Variants in FARS2 observed in about 807,000 individuals in gnomAD.
The protein encoded by FARS2 is phenylalanine--tRNA ligase, mitochondrial.
A neutral mutation model predicts 46.4 loss-of-function variants in FARS2; 40 were observed. That is an observed-to-expected ratio of 0.86 (90% CI 0.67 to 1.12). FARS2 has a LOEUF of 1.12. FARS2 is among the 50% of genes most tolerant of loss of function. The probability of loss-of-function intolerance (pLI) is 0.00; values close to 1 mark genes in which losing one functional copy is unlikely to be tolerated. For missense variants in FARS2, 513 were observed against 567.9 expected (o/e 0.90, Z 0.98); for synonymous variants, 234 against 214.9 (o/e 1.09, Z -0.78).
intron 5 of FARS2, among the ~76,000 whole-genome samples, chr6:5,578,473 AT>A (rs1017963646): frequency 1.3e-4 from 19 of 151,978 alleles, no homozygotes; most frequent in South Asian, 2.1e-4. Context: ...TACCTTTTCA[AT>A]TTTTTTTAAC....
At position 5,630,890 on chromosome 6, in the gene FARS2, T is replaced by C. The variant is rs1165065143; in HGVS notation, c.1217+17570T>C. Among the ~76,000 whole-genome samples, 1 of 152,246 alleles carries C rather than the reference T, an allele frequency of 6.6e-6. No homozygotes were observed. The highest frequency in any genetic ancestry group is 1.5e-5 in the Non-Finnish European group (1 of 68,044). ...TATGAATGGAGTCTGAGCGATGCTT[T>C]GATCAGCATTTCTTAATATGGCACA... On this transcript the variant is annotated intron_variant, in intron 6 of 6. Transcript: ENST00000274680. This position sits in a 1 kb window ranked among gnomAD's most constrained non-coding sequence, Gnocchi z 4.2.
At chr6:5,726,440 C>T (rs1388051311) in intron 6 of FARS2, among the ~76,000 whole-genome samples, 2 of 152,158 alleles carry the variant, frequency 1.3e-5, no homozygotes, top group African/African-American at 4.8e-5. Flanking sequence ...AAGCCTGAAA[C>T]CACACATGCA....
intron 3 of FARS2, among the ~76,000 whole-genome samples, chr6:5,425,331 A>G (rs1397651960): frequency 6.6e-6 from 1 of 152,220 alleles, no homozygotes; most frequent in African/African-American, 2.4e-5. Context: ...TACAAACGGT[A>G]TGGGAAACAG....
intron 3 of FARS2, among the ~76,000 whole-genome samples, chr6:5,422,819 G>A (rs113689021): frequency 3.5e-4 from 53 of 152,094 alleles, no homozygotes; most frequent in African/African-American, 1.2e-3. Context: ...AAAGTGAGAT[G>A]TTTCAGATTA....
At chr6:5,454,764 A>T (rs748278140) in intron 4 of FARS2, among the ~76,000 whole-genome samples, 1 of 152,138 alleles carries the variant, frequency 6.6e-6, no homozygotes, top group Non-Finnish European at 1.5e-5. Context: ...GTGTCCTCCA[A>T]GGCAATGCCT....
chr6:5,526,697 A>G (rs1040344581), intron 4 of FARS2, among the ~76,000 whole-genome samples: 2 of 151,838 alleles, frequency 1.3e-5, no homozygotes, highest in Admixed American at 6.6e-5. Context: ...GATCACTGCA[A>G]CCTCCACCTC....
At chr6:5,363,987 A>G (rs1235611326) in intron 1 of FARS2, among the ~76,000 whole-genome samples, 4 of 152,236 alleles carry the variant, frequency 2.6e-5, no homozygotes, top group Admixed American at 2.6e-4. Context: ...AGAAATTGTA[A>G]TGTGGCTATC....
At chr6:5,516,548 A>G (rs1350663821) in intron 4 of FARS2, among the ~76,000 whole-genome samples, 1 of 152,212 alleles carries the variant, frequency 6.6e-6, no homozygotes, top group African/African-American at 2.4e-5. Flanking sequence ...TTACGGTGCT[A>G]TTCTGTGTTA....
At chr6:5,638,422 G>A (rs990868821) in intron 6 of FARS2, among the ~76,000 whole-genome samples, 1 of 152,162 alleles carries the variant, frequency 6.6e-6, no homozygotes. Flanking sequence ...AAAATTAGCC[G>A]GATGTGGTGG....
chr6:5,500,555 A>T (rs530447235), intron 4 of FARS2, among the ~76,000 whole-genome samples: 138 of 152,306 alleles, frequency 9.1e-4, no homozygotes, highest in African/African-American at 3.1e-3. Context: ...AGTTACCTTC[A>T]GTGTTTTTCA....
intron 1 of FARS2, among the ~76,000 whole-genome samples, chr6:5,367,865 C>G (rs144114162): frequency 6.6e-6 from 1 of 152,126 alleles, no homozygotes. Flanking sequence ...TAGTCTATCA[C>G]TTTGTACAAT....
At chr6:5,414,680 G>C (rs114087580) in intron 3 of FARS2, among the ~76,000 whole-genome samples, 2,582 of 150,642 alleles carry the variant, frequency 0.017, 62 homozygotes, top group African/African-American at 0.059. Context: ...TATTTGGGTT[G>C]TTTCCAGGTT....
At chr6:5,614,740 T>C (rs1225442784) in intron 6 of FARS2, among the ~76,000 whole-genome samples, 1 of 152,210 alleles carries the variant, frequency 6.6e-6, no homozygotes, top group African/African-American at 2.4e-5. Context: ...TAGATAAAGA[T>C]GTTCAGTGTT....
At chr6:5,447,770 A>G (rs1582133083) in intron 4 of FARS2, among the ~76,000 whole-genome samples, 1 of 152,358 alleles carries the variant, frequency 6.6e-6, no homozygotes, top group East Asian at 1.9e-4. Context: ...TAGCATTTGT[A>G]AGAAAGGTAG....
intron 6 of FARS2, among the ~76,000 whole-genome samples, chr6:5,618,170 T>A (rs1775572525): frequency 6.6e-6 from 1 of 152,194 alleles, no homozygotes; most frequent in African/African-American, 2.4e-5. Flanking sequence ...GGGCTGTAGG[T>A]TGCTAACCCT....
intron 1 of FARS2, among the ~76,000 whole-genome samples, chr6:5,363,986 A>T (rs577598945): frequency 6.6e-6 from 1 of 152,372 alleles, no homozygotes; most frequent in Non-Finnish European, 1.5e-5. Flanking sequence ...CAGAAATTGT[A>T]ATGTGGCTAT....
At chr6:5,720,745 A>C (rs1345669997) in intron 6 of FARS2, among the ~76,000 whole-genome samples, 1 of 152,222 alleles carries the variant, frequency 6.6e-6, no homozygotes, top group Non-Finnish European at 1.5e-5. Context: ...AAAACTGTAT[A>C]TAAATGTTTA....
At chr6:5,356,837 T>A (rs1757963477) in intron 1 of FARS2, among the ~76,000 whole-genome samples, 1 of 152,210 alleles carries the variant, frequency 6.6e-6, no homozygotes, top group Admixed American at 6.5e-5. Context: ...ACGGACGGCA[T>A]ATGTATTATT....
chr6:5,661,946 C>T (rs1777870703), intron 6 of FARS2, among the ~76,000 whole-genome samples: 1 of 149,278 alleles, frequency 6.7e-6, no homozygotes, highest in Admixed American at 6.9e-5. Flanking sequence ...TACAGTGTTC[C>T]TCAGAAGGTA....
Sources: gnomAD v4.1 joint callset for allele counts (sites outside exome capture counted in the v4.1 genomes callset) on GRCh38, gnomAD v4.1.1 for gene constraint, Gnocchi (gnomAD v3.1) non-coding constraint, MANE v1.5 for transcripts, NCBI Gene and HGNC (gene_info 2026-07-23, HGNC 2026-07-21) for gene names.